The following WDR25 variants were observed in gnomAD, a reference collection of about 807,000 sequenced individuals.
WDR25 encodes the protein WD repeat-containing protein 25.
A neutral mutation model predicts 47.7 loss-of-function variants in WDR25; 35 were observed. The observed-to-expected ratio is 0.73, with a 90% CI of 0.56 to 0.97. WDR25 has a LOEUF of 0.97. Among genes scored for constraint, WDR25 ranks in the 50% least tolerant of loss-of-function variants. The probability of loss-of-function intolerance (pLI) is 0.00; values close to 1 mark genes in which losing one functional copy is unlikely to be tolerated. For missense variants in WDR25, 634 were observed against 704.7 expected, an observed-to-expected ratio of 0.90 and a Z score of 1.14; for synonymous variants, 248 against 278.9, an observed-to-expected ratio of 0.89 and a Z score of 1.10.
chr14:100,448,650 G>A (rs1205800836), intron 2 of WDR25, among the ~76,000 whole-genome samples: 1 of 152,182 alleles, frequency 6.6e-6, no homozygotes, highest in Non-Finnish European at 1.5e-5. Flanking sequence ...ATGTGGGCAT[G>A]TGGCAGTCTA....
intron 4 of WDR25, among the ~76,000 whole-genome samples, chr14:100,496,828 C>CTTTTTTTTTTTT (rs1226765543): frequency 8.2e-5 from 6 of 73,432 alleles, no homozygotes; most frequent in Non-Finnish European, 9.8e-5. Context: ...TTCTTTAATT[C>CTTTTTTTTTTTT]TTTTTTTTTT....
chr14:100,508,472 G>A (rs1216754486), intron 4 of WDR25, among the ~76,000 whole-genome samples: 2 of 152,134 alleles, frequency 1.3e-5, no homozygotes, highest in Admixed American at 1.3e-4. Context: ...TGTGTATCAT[G>A]TGACCTTACT....
chr14:100,417,112 T>C (rs541593256), intron 2 of WDR25, among the ~76,000 whole-genome samples: 1 of 152,316 alleles, frequency 6.6e-6, no homozygotes, highest in East Asian at 1.9e-4. Context: ...GGGGCCAAGC[T>C]TTGGTGAGCC....
At chr14:100,441,114 T>A (rs1438978762) in intron 2 of WDR25, among the ~76,000 whole-genome samples, 2 of 152,156 alleles carry the variant, frequency 1.3e-5, no homozygotes, top group Non-Finnish European at 1.5e-5. Context: ...GCCAGGGAGA[T>A]AAGACTCTGC....
intron 2 of WDR25, among the ~76,000 whole-genome samples, chr14:100,439,106 C>A (rs111995210): frequency 0.013 from 2,015 of 152,344 alleles, 34 homozygotes; most frequent in African/African-American, 0.043. Flanking sequence ...GCTCTATGCC[C>A]TGGGCAAGTG....
chr14:100,487,374 G>A (rs1595138936), intron 4 of WDR25, among the ~76,000 whole-genome samples: 1 of 152,230 alleles, frequency 6.6e-6, no homozygotes, highest in Non-Finnish European at 1.5e-5. Flanking sequence ...GGCTAGTCCA[G>A]CTTGCTGCCA....
chr14:100,520,962 T>C (rs2029870614), intron 4 of WDR25, among the ~76,000 whole-genome samples: 1 of 152,222 alleles, frequency 6.6e-6, no homozygotes, highest in Non-Finnish European at 1.5e-5. Flanking sequence ...ATGGTTAATT[T>C]TGTTTGCCTA....
At chr14:100,519,242 G>T (rs114146068) in intron 4 of WDR25, among the ~76,000 whole-genome samples, 1,866 of 150,350 alleles carry the variant, frequency 0.012, 39 homozygotes, top group African/African-American at 0.041. Flanking sequence ...GTTTTTTTGT[G>T]TGTGTGTGTG....
In WDR25 at chr14:100,530,144, T is replaced by C. The variant is rs2140402784; in HGVS notation, c.*103T>C. ...GAGCACAGAGGTTGGCTGTGGGTCC[T>C]GGGTACCACCTTCTGAGCCTCAGTT... On this transcript the variant is annotated 3_prime_UTR_variant, in exon 7 of 7. Coordinates refer to ENST00000402312, the MANE Select transcript of WDR25 (RefSeq NM_001161476.3). 1 of 1,173,910 alleles carries C rather than the reference T, an allele frequency of 8.5e-7. No individual in the cohort carries two copies. Among genetic ancestry groups the C allele is most frequent in the South Asian group, 1.5e-5 (1 of 66,918 alleles). 72.7% of individuals were successfully genotyped at this position (1,173,910 alleles called of 1,614,324 possible).
chr14:100,411,608 C>T (rs959097527), intron 2 of WDR25, among the ~76,000 whole-genome samples: 1 of 151,422 alleles, frequency 6.6e-6, no homozygotes, highest in Non-Finnish European at 1.5e-5. Context: ...GCAGTCTTGG[C>T]TCACTGCAAC....
chr14:100,388,353 T>G (rs1897063255), intron 2 of WDR25, among the ~76,000 whole-genome samples: 1 of 152,246 alleles, frequency 6.6e-6, no homozygotes, highest in Non-Finnish European at 1.5e-5. Context: ...AGCGTTCATC[T>G]GGTTCATTTG....
At chr14:100,400,244 T>A (rs1897345699) in intron 2 of WDR25, among the ~76,000 whole-genome samples, 1 of 152,228 alleles carries the variant, frequency 6.6e-6, no homozygotes, top group Admixed American at 6.5e-5. Flanking sequence ...CTTGTCATGG[T>A]GATCCAGTGA....
chr14:100,421,540 C>CA (rs1566902277), intron 2 of WDR25, among the ~76,000 whole-genome samples: 1 of 151,998 alleles, frequency 6.6e-6, no homozygotes, highest in Non-Finnish European at 1.5e-5. Context: ...CAGAAAAGAA[C>CA]AAAAAAATAA....
Position 100,468,054 on chromosome 14 carries a change from C to T in WDR25, c.856C>T (p.Gln286Ter). 6.2e-7 allele frequency: 1 copy of T among 1,613,440 alleles called. No individual in the cohort carries two copies. Among genetic ancestry groups the T allele is most frequent in the Non-Finnish European group, 8.5e-7 (1 of 1,180,028 alleles). Residue 286 changes from glutamine to a stop codon, truncating the protein, a stop_gained, in exon 3 of 7, where the codon CAG (glutamine) becomes TAG (stop). Coordinates refer to ENST00000402312, the MANE Select transcript of WDR25 (RefSeq NM_001161476.3). LOFTEE classifies it high-confidence loss of function. This position sits in a 1 kb window ranked among gnomAD's most constrained non-coding sequence, Gnocchi z 4.5. ...WNAVDSGHCL[Q>*]TYSLHTEAVR... ...CGCCGTGGACTCCGGGCACTGCCTGCAGACCTACTCCCTGCACACAGAGGC... is the reference window on the plus strand; with the variant it reads ...CGCCGTGGACTCCGGGCACTGCCTGTAGACCTACTCCCTGCACACAGAGGC...
chr14:100,401,794 TG>T (rs1485232707), intron 2 of WDR25, among the ~76,000 whole-genome samples: 1 of 152,234 alleles, frequency 6.6e-6, no homozygotes, highest in Non-Finnish European at 1.5e-5. Context: ...TCTCTGCTCC[TG>T]GGTGGCTCTG....
In WDR25 at chr14:100,463,700, C is replaced by CT. The variant is rs1283145017; in HGVS notation, c.823-4320dup. Reference sequence around the variant, plus strand: ...AATGAGTCTTTATACTGTCTGCTGTCTGTCATTCAAAACTGAGCTCCAGGT... The same window carrying CT: ...AATGAGTCTTTATACTGTCTGCTGTCTTGTCATTCAAAACTGAGCTCCAGGT... On this transcript the variant is annotated intron_variant, in intron 2 of 6. Transcript: ENST00000402312. Among the ~76,000 whole-genome samples the CT allele has an allele frequency of 2.6e-5, 4 of 152,324 alleles. No individual in the cohort carries two copies. In the East Asian group the frequency reaches 7.7e-4, roughly 29 times the overall value.
chr14:100,446,580 G>C (rs930610415), intron 2 of WDR25, among the ~76,000 whole-genome samples: 1 of 148,776 alleles, frequency 6.7e-6, no homozygotes, highest in African/African-American at 2.5e-5. Flanking sequence ...AAGTAAAAAT[G>C]TATAAATCAC....
At chr14:100,490,573 A>G (rs1028675506) in intron 4 of WDR25, among the ~76,000 whole-genome samples, 12 of 152,210 alleles carry the variant, frequency 7.9e-5, no homozygotes, top group Non-Finnish European at 1.8e-4. Context: ...AGCATTAGAA[A>G]CTATTGCTGC....
At chr14:100,423,129 G>A (rs1898074327) in intron 2 of WDR25, among the ~76,000 whole-genome samples, 1 of 152,074 alleles carries the variant, frequency 6.6e-6, no homozygotes, top group African/African-American at 2.4e-5. Context: ...CTTTCTCTTT[G>A]TCTGGGAGCC....
Sources: gnomAD v4.1 joint callset for allele counts (sites outside exome capture counted in the v4.1 genomes callset) on GRCh38, gnomAD v4.1.1 for gene constraint, Gnocchi (gnomAD v3.1) non-coding constraint, MANE v1.5 for transcripts, NCBI Gene and HGNC (gene_info 2026-07-23, HGNC 2026-07-21) for gene names.